Variants in ME1 observed in about 807,000 individuals in gnomAD.
ME1 encodes the protein NADP-dependent malic enzyme.
Under a neutral mutation model 66.4 loss-of-function variants are expected in ME1, and 74 were observed. The observed-to-expected ratio is 1.11, with a 90% confidence interval of 0.92 to 1.35. The LOEUF (loss-of-function observed/expected upper bound fraction) is 1.35. Ranked by LOEUF, ME1 falls within the 40% of genes most tolerant of loss-of-function variation. The probability of loss-of-function intolerance (pLI) is 0.00; values close to 1 mark genes in which losing one functional copy is unlikely to be tolerated. For synonymous variants in ME1, 251 were observed against 235.6 expected, an observed-to-expected ratio of 1.07 and a Z score of -0.60; for missense variants, 750 against 694.1, an observed-to-expected ratio of 1.08 and a Z score of -0.90.
chr6:83,383,256 A>C (rs1245908870), intron 3 of ME1, among the ~76,000 whole-genome samples: 1 of 151,884 alleles, frequency 6.6e-6, no homozygotes, highest in Admixed American at 6.6e-5. Flanking sequence ...GGCACTTACT[A>C]TCTGGTGATA....
At chr6:83,276,059 C>G (rs546909013) in intron 6 of ME1, among the ~76,000 whole-genome samples, 8 of 152,104 alleles carry the variant, frequency 5.3e-5, no homozygotes, top group African/African-American at 1.7e-4. Flanking sequence ...TGTCAGCCAC[C>G]GCGCCCCGGC....
At chr6:83,241,503 CAA>C (rs1259351357) in intron 7 of ME1, among the ~76,000 whole-genome samples, 2 of 152,114 alleles carry the variant, frequency 1.3e-5, no homozygotes, top group Non-Finnish European at 2.9e-5. Flanking sequence ...ACTTAAAACT[CAA>C]AATGTGTTAA....
intron 6 of ME1, among the ~76,000 whole-genome samples, chr6:83,276,752 G>A (rs1173453985): frequency 1.3e-5 from 2 of 152,036 alleles, no homozygotes; most frequent in Non-Finnish European, 2.9e-5. Flanking sequence ...CCAACATTAA[G>A]AAGTTTTTAA....
intron 3 of ME1, among the ~76,000 whole-genome samples, chr6:83,394,836 A>G (rs945575493): frequency 2.0e-5 from 3 of 152,188 alleles, no homozygotes; most frequent in Non-Finnish European, 2.9e-5. Context: ...TATTGAAACT[A>G]ATATAATGAA....
At chr6:83,387,440 C>G (rs1769531279) in intron 3 of ME1, among the ~76,000 whole-genome samples, 2 of 151,764 alleles carry the variant, frequency 1.3e-5, no homozygotes, top group Non-Finnish European at 2.9e-5. Flanking sequence ...AAACTGACAC[C>G]CTCATCATAT....
chr6:83,264,826 G>A (rs564867762), intron 6 of ME1, among the ~76,000 whole-genome samples: 65 of 152,256 alleles, frequency 4.3e-4, no homozygotes, highest in East Asian at 3.7e-3. Context: ...TACTTCTGGT[G>A]GAGATGCTAT....
intron 7 of ME1, among the ~76,000 whole-genome samples, chr6:83,240,316 A>C (rs1790488640): frequency 6.6e-6 from 1 of 152,092 alleles, no homozygotes; most frequent in South Asian, 2.1e-4. Context: ...GTAAAATCTA[A>C]TTATATTGTA....
At chr6:83,346,793 T>C (rs1328362547) in intron 4 of ME1, among the ~76,000 whole-genome samples, 1 of 152,162 alleles carries the variant, frequency 6.6e-6, no homozygotes, top group Non-Finnish European at 1.5e-5. Flanking sequence ...TATCCTCCTA[T>C]TTTTACAACA....
intron 12 of ME1, among the ~76,000 whole-genome samples, chr6:83,221,004 C>T (rs1790082038): frequency 1.3e-5 from 2 of 151,962 alleles, no homozygotes; most frequent in African/African-American, 2.4e-5. Flanking sequence ...ACTAAAAATA[C>T]AAAAATTAGC....
intron 9 of ME1, among the ~76,000 whole-genome samples, chr6:83,230,006 A>T (rs1790269632): frequency 6.7e-6 from 1 of 149,578 alleles, no homozygotes; most frequent in African/African-American, 2.6e-5. Flanking sequence ...ATTTTTTTTT[A>T]GAGATGGGGG....
At chr6:83,312,058 C>T (rs762887856) in intron 6 of ME1, among the ~76,000 whole-genome samples, 90 of 152,252 alleles carry the variant, frequency 5.9e-4, no homozygotes, top group African/African-American at 2.2e-3. Context: ...GAAGAAGAGG[C>T]CTAGTTCCCA....
At chr6:83,352,772 A>C (rs1254961395) in intron 3 of ME1, among the ~76,000 whole-genome samples, 2 of 152,212 alleles carry the variant, frequency 1.3e-5, no homozygotes, top group African/African-American at 4.8e-5. Context: ...AATTAAAATA[A>C]TAGAATTTAA....
intron 5 of ME1, among the ~76,000 whole-genome samples, chr6:83,345,308 T>C (rs1768665968): frequency 6.6e-6 from 1 of 152,248 alleles, no homozygotes; most frequent in African/African-American, 2.4e-5. Context: ...AATGTATCCT[T>C]TGATAAAGGT....
At chr6:83,369,923 G>A (rs1769165605) in intron 3 of ME1, among the ~76,000 whole-genome samples, 1 of 152,124 alleles carries the variant, frequency 6.6e-6, no homozygotes, top group African/African-American at 2.4e-5. Flanking sequence ...CAGTAAAGAT[G>A]ATTCAATGTT....
chr6:83,215,342 G>A (rs1789969447), intron 13 of ME1, among the ~76,000 whole-genome samples: 1 of 152,116 alleles, frequency 6.6e-6, no homozygotes, highest in Non-Finnish European at 1.5e-5. Context: ...ACATCTAGTG[G>A]GCAGAGGCCA....
At position 83,398,372 on chromosome 6, in the gene ME1, C is replaced by T. The variant is rs2230900; in HGVS notation, c.357G>A (p.Lys119=). 0.028 allele frequency: 44,478 copies of T among 1,571,026 alleles called. 772 individuals carry two copies. Among genetic ancestry groups the T allele is most frequent in the Non-Finnish European group, 0.031 (36,479 of 1,164,290 alleles). The part of the protein sequence containing the change: ...ACQQYSLVFR[K]PRGLFITIHD... ...TAAAATAAAAGTTGACATACCTTGG[C>T]TTCCGAAACACCAAACTATATTGTT... is the stretch of plus-strand genomic sequence containing the variant. Residue 119 remains lysine (K), a synonymous_variant, in exon 3 of 14, where the codon AAG becomes AAA. Coordinates refer to ENST00000369705, the MANE Select transcript of ME1 (RefSeq NM_002395.6).
intron 3 of ME1, among the ~76,000 whole-genome samples, chr6:83,370,385 AAAG>A (rs1425664841): frequency 6.6e-6 from 1 of 152,180 alleles, no homozygotes; most frequent in African/African-American, 2.4e-5. Flanking sequence ...CCCTTTCAGT[AAAG>A]AAGGTGGCAA....
chr6:83,361,357 T>C (rs1769004099), intron 3 of ME1, among the ~76,000 whole-genome samples: 1 of 152,222 alleles, frequency 6.6e-6, no homozygotes, highest in African/African-American at 2.4e-5. Context: ...AGTAGGCCGA[T>C]TTGATTTGAG....
At chr6:83,285,038 G>C (rs1145912) in intron 6 of ME1, among the ~76,000 whole-genome samples, 53,507 of 151,988 alleles carry the variant, frequency 0.35, 9,637 homozygotes, top group Middle Eastern at 0.49. Context: ...ATCAGTGCAG[G>C]TATCTTTTTC....
Sources: gnomAD v4.1 joint callset for allele counts (sites outside exome capture counted in the v4.1 genomes callset) on GRCh38, gnomAD v4.1.1 for gene constraint, MANE v1.5 for transcripts, NCBI Gene and HGNC (gene_info 2026-07-23, HGNC 2026-07-21) for gene names.